The following SMAP1 variants were observed in gnomAD, a reference collection of about 807,000 sequenced individuals.
SMAP1 encodes the protein small ArfGAP 1.
A neutral mutation model predicts 58.5 loss-of-function variants in SMAP1; 24 were observed. The ratio of observed to expected loss-of-function variants is 0.41; its 90% confidence interval spans 0.30 to 0.58. SMAP1 has a LOEUF of 0.58. Ranked by LOEUF, SMAP1 falls within the 20% of genes least tolerant of loss-of-function variation. SMAP1 has a pLI of 0.29. For synonymous variants in SMAP1, 216 were observed against 196.6 expected (o/e 1.10, Z -0.82); for missense variants, 563 against 566.3 (o/e 0.99, Z 0.06).
chr6:70,773,311 C>T, intron 3 of SMAP1, 39 bp from the exon 4 acceptor site: 3 of 1,287,638 alleles, frequency 2.3e-6, no homozygotes, highest in Non-Finnish European at 3.3e-6. Context: ...GTGTACATAT[C>T]ACTGAATTCA....
intron 6 of SMAP1, among the ~76,000 whole-genome samples, chr6:70,831,499 A>G (rs377291315): frequency 2.0e-5 from 3 of 152,096 alleles, no homozygotes; most frequent in Non-Finnish European, 4.4e-5. Flanking sequence ...GCTCCCACCT[A>G]TAAGTGAGAG....
At chr6:70,780,901 G>A (rs1037399368) in intron 4 of SMAP1, among the ~76,000 whole-genome samples, 5 of 152,150 alleles carry the variant, frequency 3.3e-5, no homozygotes, top group African/African-American at 1.2e-4. Flanking sequence ...ATGTCATAGT[G>A]TCTGAATTTC....
chr6:70,730,099 G>C (rs1001705129), intron 1 of SMAP1, among the ~76,000 whole-genome samples: 1 of 151,820 alleles, frequency 6.6e-6, no homozygotes, highest in Non-Finnish European at 1.5e-5. Flanking sequence ...TTTCTGACTA[G>C]AGTGCGGTGG....
chr6:70,851,692 T>C (rs995508211), intron 7 of SMAP1, among the ~76,000 whole-genome samples: 2 of 152,194 alleles, frequency 1.3e-5, no homozygotes, highest in African/African-American at 4.8e-5. Flanking sequence ...CCAGCCCTTA[T>C]AAATGTTCAC....
chr6:70,712,115 T>C (rs570036416), intron 1 of SMAP1, among the ~76,000 whole-genome samples: 1 of 152,354 alleles, frequency 6.6e-6, no homozygotes, highest in East Asian at 1.9e-4. Context: ...TCTATACTTA[T>C]TCTGTCGAAA....
At chr6:70,767,024 T>G (rs1452517714) in intron 3 of SMAP1, among the ~76,000 whole-genome samples, 1 of 152,032 alleles carries the variant, frequency 6.6e-6, no homozygotes, top group African/African-American at 2.4e-5. Flanking sequence ...CATTGCTTGT[T>G]TTTCTCAGGT....
intron 3 of SMAP1, among the ~76,000 whole-genome samples, chr6:70,765,719 TTTC>T (rs1236864096): frequency 6.6e-6 from 1 of 151,708 alleles, no homozygotes; most frequent in Non-Finnish European, 1.5e-5. Flanking sequence ...TGTATTCACT[TTTC>T]TTTTTTTATT....
chr6:70,770,174 C>A (rs1367571832), intron 3 of SMAP1, among the ~76,000 whole-genome samples: 4 of 151,582 alleles, frequency 2.6e-5, no homozygotes, highest in Admixed American at 2.6e-4. Flanking sequence ...CTCTGGCTGC[C>A]CTTAACATTT....
rs1396499714 is a variant in SMAP1 at position 70,860,513 on chromosome 6, G to A, written c.*179G>A. On this transcript the variant is annotated 3_prime_UTR_variant, in exon 11 of 11. Transcript: ENST00000370455. ...TTCAATTTGATGTGGTGAAAAGCAG[G>A]TTGATAAATCATTTTATGTCAAGGG... 8 of 590,950 alleles carry A rather than the reference G, an allele frequency of 1.4e-5. No homozygotes were observed. Among genetic ancestry groups the A allele is most frequent in the Non-Finnish European group, 7.7e-6 (3 of 390,872 alleles). The allele number at this position is 590,950 out of a possible 1,614,324, so 36.6% of individuals were successfully genotyped here.
chr6:70,796,105 C>T (rs1768596034), intron 5 of SMAP1, among the ~76,000 whole-genome samples: 1 of 152,060 alleles, frequency 6.6e-6, no homozygotes, highest in Admixed American at 6.5e-5. Context: ...ATATAGAAAA[C>T]ATTTTATAAT....
At chr6:70,840,024 C>T (rs979818488) in intron 7 of SMAP1, among the ~76,000 whole-genome samples, 2 of 152,076 alleles carry the variant, frequency 1.3e-5, no homozygotes, top group Non-Finnish European at 2.9e-5. Flanking sequence ...CTGGTTTTCC[C>T]CTGTAAATTG....
intron 7 of SMAP1, among the ~76,000 whole-genome samples, chr6:70,844,132 A>G (rs1259373174): frequency 2.0e-5 from 3 of 152,218 alleles, no homozygotes; most frequent in Non-Finnish European, 2.9e-5. Flanking sequence ...AATCTAGTTT[A>G]TCACCATTTT....
intron 3 of SMAP1, among the ~76,000 whole-genome samples, chr6:70,769,029 A>G (rs1767140576): frequency 6.6e-6 from 1 of 152,220 alleles, no homozygotes; most frequent in East Asian, 1.9e-4. Context: ...ATTCAGGAGC[A>G]GGTTGTTCAG....
At chr6:70,787,439 A>T (rs1054404940) in intron 4 of SMAP1, among the ~76,000 whole-genome samples, 3 of 152,186 alleles carry the variant, frequency 2.0e-5, no homozygotes, top group African/African-American at 7.2e-5. Flanking sequence ...AAAAGCCAAA[A>T]TTGACAAATG....
At chr6:70,770,606 C>T (rs1582150518) in intron 3 of SMAP1, among the ~76,000 whole-genome samples, 1 of 152,182 alleles carries the variant, frequency 6.6e-6, no homozygotes, top group Non-Finnish European at 1.5e-5. Context: ...CCATGAACTC[C>T]TTTAAGCCCT....
chr6:70,768,601 C>A (rs1425527182), intron 3 of SMAP1, among the ~76,000 whole-genome samples: 2 of 152,094 alleles, frequency 1.3e-5, no homozygotes, highest in Non-Finnish European at 2.9e-5. Flanking sequence ...GTGATATCCC[C>A]TTTATTATTT....
intron 7 of SMAP1, among the ~76,000 whole-genome samples, chr6:70,846,426 C>T (rs1472580647): frequency 3.9e-5 from 6 of 152,078 alleles, no homozygotes; most frequent in African/African-American, 9.7e-5. Flanking sequence ...GTGGTGCCAG[C>T]GAGGAGTAAA....
chr6:70,831,413 C>A (rs1770352819), intron 6 of SMAP1, among the ~76,000 whole-genome samples: 1 of 152,136 alleles, frequency 6.6e-6, no homozygotes, highest in African/African-American at 2.4e-5. Flanking sequence ...TCCTCTCCCT[C>A]CTTCCACCCT....
chr6:70,748,895 C>T (rs1472409039), intron 2 of SMAP1, among the ~76,000 whole-genome samples: 1 of 150,870 alleles, frequency 6.6e-6, no homozygotes, highest in Non-Finnish European at 1.5e-5. Context: ...TATATATATA[C>T]ACAGACTTAT....
Sources: allele counts gnomAD v4.1 joint callset (sites outside exome capture counted in the v4.1 genomes callset), GRCh38; gene constraint gnomAD v4.1.1; transcripts MANE v1.5; gene names NCBI Gene and HGNC (gene_info 2026-07-23, HGNC 2026-07-21).